SPON1: variants seen among roughly 807,000 people sequenced by gnomAD.
SPON1 encodes spondin-1.
Under a neutral mutation model 111.7 loss-of-function variants are expected in SPON1, and 52 were observed. The ratio of observed to expected loss-of-function variants is 0.47; its 90% confidence interval spans 0.37 to 0.59. The LOEUF (loss-of-function observed/expected upper bound fraction) is 0.59, where lower values mean the gene tolerates loss of function less well. SPON1 is among the 20% of genes least tolerant of loss of function. The pLI, the probability that SPON1 is intolerant of heterozygous loss-of-function variation, is 0.00. For missense variants in SPON1, 957 were observed against 1,068.5 expected, an observed-to-expected ratio of 0.90 and a Z score of 1.46; for synonymous variants, 410 against 395.8, an observed-to-expected ratio of 1.04 and a Z score of -0.43.
chr11:13,971,400 G>C (rs576583834), intron 1 of SPON1, among the ~76,000 whole-genome samples: 2 of 152,236 alleles, frequency 1.3e-5, no homozygotes, highest in East Asian at 1.9e-4. Context: ...AGGCCTGAGG[G>C]GATTATTGAG....
rs1221842638 is a variant in SPON1 at position 14,213,407 on chromosome 11, T to A, written c.826-29925T>A. Among the ~76,000 whole-genome samples the A allele has an allele frequency of 3.9e-5, 6 of 152,002 alleles. No individual in the cohort carries two copies. The East Asian group carries it at 1.2e-3, about 29-fold the overall frequency. On this transcript the variant is annotated intron_variant, in intron 6 of 15. Transcript: ENST00000576479. ...TCATTCCTTTTTTTTTTTTCTTAAA[T>A]ATGTTTAACTCTCCTGCTTAAGATT...
At chr11:13,968,291 A>C (rs1283479521) in intron 1 of SPON1, among the ~76,000 whole-genome samples, 1 of 152,190 alleles carries the variant, frequency 6.6e-6, no homozygotes, top group Non-Finnish European at 1.5e-5. Flanking sequence ...GCATGATGGG[A>C]GGCTTTGCTC....
At chr11:14,141,421 G>A (rs1037071150) in intron 6 of SPON1, among the ~76,000 whole-genome samples, 5 of 152,148 alleles carry the variant, frequency 3.3e-5, no homozygotes, top group Non-Finnish European at 7.3e-5. Flanking sequence ...GCTTTGAAGA[G>A]TCACCCATTT....
chr11:14,152,790 G>C (rs1554930030), intron 6 of SPON1, among the ~76,000 whole-genome samples: 1 of 152,104 alleles, frequency 6.6e-6, no homozygotes, highest in Non-Finnish European at 1.5e-5. Flanking sequence ...AAATATAAAG[G>C]ATGTGTTTAT....
At chr11:14,128,170 A>G (rs1232176395) in intron 5 of SPON1, among the ~76,000 whole-genome samples, 3 of 152,116 alleles carry the variant, frequency 2.0e-5, no homozygotes, top group African/African-American at 7.2e-5. Flanking sequence ...CAGTCCCCCA[A>G]AGTCTCAACT....
intron 6 of SPON1, among the ~76,000 whole-genome samples, chr11:14,223,468 T>G (rs1848702992): frequency 6.6e-6 from 1 of 152,238 alleles, no homozygotes; most frequent in South Asian, 2.1e-4. Context: ...AATCTCAAGA[T>G]TATTTATAAG....
chr11:14,064,699 C>G (rs1399194502), intron 3 of SPON1, among the ~76,000 whole-genome samples: 1 of 152,084 alleles, frequency 6.6e-6, no homozygotes, highest in African/African-American at 2.4e-5. Context: ...GCCATCGTTG[C>G]TAACAATGTG....
intron 6 of SPON1, among the ~76,000 whole-genome samples, chr11:14,212,797 A>G (rs1848589447): frequency 6.6e-6 from 1 of 152,138 alleles, no homozygotes; most frequent in Admixed American, 6.5e-5. Flanking sequence ...CAGTATTTTC[A>G]GAAGCAACAT....
chr11:13,981,291 T>C (rs781976705), intron 1 of SPON1, among the ~76,000 whole-genome samples: 4 of 152,168 alleles, frequency 2.6e-5, no homozygotes, highest in Non-Finnish European at 5.9e-5. Flanking sequence ...ATGATTGCCA[T>C]GTTGAGAAGA....
chr11:14,183,799 C>A (rs568570566), intron 6 of SPON1, among the ~76,000 whole-genome samples: 1 of 152,252 alleles, frequency 6.6e-6, no homozygotes, highest in African/African-American at 2.4e-5. Context: ...ATGGTCTTCC[C>A]CTTCTCTTAG....
intron 6 of SPON1, among the ~76,000 whole-genome samples, chr11:14,137,944 C>T (rs1554928319): frequency 1.3e-5 from 2 of 152,084 alleles, no homozygotes; most frequent in Admixed American, 1.3e-4. Context: ...AAATATTGTT[C>T]CCCGCAAGCA....
intron 2 of SPON1, among the ~76,000 whole-genome samples, chr11:14,028,796 G>A (rs183667380): frequency 1.3e-3 from 203 of 152,246 alleles, no homozygotes; most frequent in African/African-American, 4.4e-3. Context: ...AGAGTTGGGT[G>A]ACTTTACTCA....
At chr11:14,178,131 C>T (rs1306362247) in intron 6 of SPON1, among the ~76,000 whole-genome samples, 2 of 149,376 alleles carry the variant, frequency 1.3e-5, no homozygotes, top group African/African-American at 4.9e-5. Flanking sequence ...TTATTGTATT[C>T]TACACACAAT....
intron 2 of SPON1, among the ~76,000 whole-genome samples, chr11:14,027,345 G>A (rs906562530): frequency 1.3e-5 from 2 of 152,168 alleles, no homozygotes; most frequent in African/African-American, 4.8e-5. Flanking sequence ...CACTAGGTTT[G>A]GATCCAAACT....
intron 6 of SPON1, among the ~76,000 whole-genome samples, chr11:14,235,150 C>T (rs960707433): frequency 2.0e-5 from 3 of 152,194 alleles, no homozygotes; most frequent in South Asian, 2.1e-4. Context: ...ACACCCAGGT[C>T]GATGAGTGTC....
chr11:14,101,972 C>T (rs1363393014), intron 5 of SPON1, among the ~76,000 whole-genome samples: 2 of 152,208 alleles, frequency 1.3e-5, no homozygotes, highest in Non-Finnish European at 2.9e-5. Context: ...TTATCATTCT[C>T]TCACCATATA....
chr11:14,095,751 C>T (rs1472013090), intron 5 of SPON1, among the ~76,000 whole-genome samples: 1 of 152,216 alleles, frequency 6.6e-6, no homozygotes, highest in African/African-American at 2.4e-5. Context: ...ATGGAAGTCT[C>T]CTTTGTTAAG....
intron 3 of SPON1, among the ~76,000 whole-genome samples, chr11:14,064,218 T>A (rs1219599379): frequency 6.6e-6 from 1 of 152,150 alleles, no homozygotes; most frequent in Non-Finnish European, 1.5e-5. Context: ...AAATGCAAAA[T>A]ATAAACATGC....
intron 6 of SPON1, among the ~76,000 whole-genome samples, chr11:14,149,356 A>G (rs558562939): frequency 2.0e-5 from 3 of 152,244 alleles, no homozygotes; most frequent in African/African-American, 7.2e-5. Flanking sequence ...ATAAGGATAT[A>G]AAGAATGAAA....
Sources: gnomAD v4.1 joint callset for allele counts (sites outside exome capture counted in the v4.1 genomes callset) on GRCh38, gnomAD v4.1.1 for gene constraint, MANE v1.5 for transcripts, NCBI Gene and HGNC (gene_info 2026-07-23, HGNC 2026-07-21) for gene names.